The following FBN3 variants were observed in gnomAD, a reference collection of about 807,000 sequenced individuals.
The protein encoded by FBN3 is fibrillin-3.
In FBN3, 234 loss-of-function variants were observed where a neutral mutation model predicts 330.1. That is an observed-to-expected ratio of 0.71 (90% CI 0.64 to 0.79). FBN3 has a LOEUF of 0.79. FBN3 is among the 30% of genes least tolerant of loss of function. The pLI is 0.00. For missense variants in FBN3, 3,606 were observed against 3,886.9 expected, an observed-to-expected ratio of 0.93 and a Z score of 1.92; for synonymous variants, 1,458 against 1,517.3, an observed-to-expected ratio of 0.96 and a Z score of 0.91.
At chr19:8,078,581 C>CTT (rs34666054) in intron 59 of FBN3, among the ~76,000 whole-genome samples, 127 of 145,732 alleles carry the variant, frequency 8.7e-4, no homozygotes, top group East Asian at 4.6e-3. Flanking sequence ...GAAAACCTTA[C>CTT]TTTTTTTTTT....
In FBN3 at chr19:8,129,214, A is replaced by C. The variant is rs370638898; in HGVS notation, c.2170+26T>G. The C allele has an allele frequency of 8.1e-6, 13 of 1,612,908 alleles. No individual in the cohort carries two copies. Among genetic ancestry groups the C allele is most frequent in the Non-Finnish European group, 1.1e-5 (13 of 1,179,516 alleles). ...CTGCAGTGGGAGAGGCTGCCCACAC[A>C]TCCGCCCGCCAGGTGGCATGCTCAC... On this transcript the variant is annotated intron_variant, in intron 17 of 63. Coordinates refer to ENST00000600128, the MANE Select transcript of FBN3 (RefSeq NM_032447.5). This position sits in a 1 kb window ranked among gnomAD's most constrained non-coding sequence, Gnocchi z 4.5.
intron 6 of FBN3, among the ~76,000 whole-genome samples, chr19:8,143,995 G>C (rs560977396): frequency 3.3e-5 from 5 of 149,480 alleles, no homozygotes; most frequent in African/African-American, 7.6e-5. Flanking sequence ...TTTTAGAGAG[G>C]GGGGGTGTCT....
intron 36 of FBN3, among the ~76,000 whole-genome samples, chr19:8,108,887 G>A (rs1436534658): frequency 2.0e-5 from 3 of 152,128 alleles, no homozygotes; most frequent in Admixed American, 1.3e-4. Flanking sequence ...TTGATTTAAG[G>A]GTGAGGGAGA....
chr19:8,147,105 T>TA lies in FBN3; in HGVS notation c.248dup (p.Pro84ThrfsTer4). 6.4e-7 allele frequency: 1 copy of TA among 1,558,576 alleles called. No homozygotes were observed. Among genetic ancestry groups the TA allele is most frequent in the Non-Finnish European group, 8.7e-7 (1 of 1,154,280 alleles). On this transcript the variant is annotated frameshift_variant and splice_region_variant, in exon 3 of 64. Transcript: ENST00000600128. LOFTEE classifies it high-confidence loss of function. Reference sequence around the variant, plus strand: ...CCTCCAGACGGCGGTAGCACTCACGTACGACACACTGGCTCCTGCCAGGGA... The same window carrying TA: ...CCTCCAGACGGCGGTAGCACTCACGTAACGACACACTGGCTCCTGCCAGGGA...
Position 8,096,424 on chromosome 19 carries a change from G to A in FBN3, c.5539+20C>T, listed in dbSNP as rs1222100816. On this transcript the variant is annotated intron_variant, in intron 44 of 63. Coordinates refer to ENST00000600128, the MANE Select transcript of FBN3 (RefSeq NM_032447.5). The surrounding 1 kb of genome is among the most constrained non-coding windows in gnomAD (Gnocchi z 4.6). ...CCAGGCAGCCTGGCTTGAAAAGGAG[G>A]GGGAAGATAAGGGTCTCACCCATGC... The A allele has an allele frequency of 1.2e-6, 2 of 1,606,954 alleles. No homozygotes were observed. Among genetic ancestry groups the A allele is most frequent in the Non-Finnish European group, 1.7e-6 (2 of 1,175,834 alleles).
intron 55 of FBN3, 75 bp downstream of exon 55, chr19:8,086,125 G>T: frequency 9.1e-7 from 1 of 1,102,196 alleles, no homozygotes; most frequent in Non-Finnish European, 1.2e-6. Flanking sequence ...GGGGGAACAG[G>T]CAGTGGGGGG....
intron 10 of FBN3, 100 bp downstream of exon 10, chr19:8,138,041 T>A (rs1371432767): frequency 1.5e-6 from 2 of 1,350,494 alleles, no homozygotes; most frequent in African/African-American, 3.0e-5. Flanking sequence ...CCTAACCCTC[T>A]CTCTGAGGCC....
rs540022951 is a variant in FBN3 at position 8,087,894 on chromosome 19, T to C, written c.6550A>G (p.Thr2184Ala). The C allele has an allele frequency of 1.9e-5, 31 of 1,614,004 alleles. No homozygotes were observed. In the East Asian group the frequency reaches 6.7e-4, roughly 35 times the overall value. ...CAGGTGCACAGGTAGGAGCCCTCGG[T>C]ATTGTGGCAGCGGAAGGCACAGAGC... is the stretch of plus-strand genomic sequence containing the variant. ...PLLCAFRCHN[T>A]EGSYLCTCPA... The change falls in exon 53 of 64, where the codon ACC becomes GCC. Residue 2184 changes from threonine (T) to alanine (A), a missense_variant. Thr to Ala is a moderately conservative substitution (Grantham distance 58). Coordinates refer to ENST00000600128, the MANE Select transcript of FBN3 (RefSeq NM_032447.5).
At chr19:8,086,888 C>T (rs543573255) in intron 54 of FBN3, among the ~76,000 whole-genome samples, 189 bp downstream of exon 54, 2 of 151,816 alleles carry the variant, frequency 1.3e-5, no homozygotes, top group South Asian at 2.1e-4. Flanking sequence ...ACTGCCTGTC[C>T]CCCCCCACTG....
chr19:8,120,259 T>A (rs1410786702), intron 25 of FBN3, among the ~76,000 whole-genome samples: 1 of 145,994 alleles, frequency 6.8e-6, no homozygotes, highest in East Asian at 2.2e-4. Context: ...AACCTCCACC[T>A]CCTGGGTTCA....
chr19:8,127,303 C>T (rs1387046772), intron 18 of FBN3, among the ~76,000 whole-genome samples: 1 of 152,028 alleles, frequency 6.6e-6, no homozygotes, highest in Non-Finnish European at 1.5e-5. Flanking sequence ...TCAGGTGGTC[C>T]GCCCGCCTCA....
intron 5 of FBN3, among the ~76,000 whole-genome samples, 157 bp downstream of exon 5, chr19:8,145,680 CAAAAAA>C (rs56250248): frequency 9.2e-6 from 1 of 108,740 alleles, no homozygotes; most frequent in Non-Finnish European, 1.8e-5. Flanking sequence ...GACTCTGTCT[CAAAAAA>C]AAAAAAAAAA....
At chr19:8,120,255 C>T (rs1399161767) in intron 25 of FBN3, among the ~76,000 whole-genome samples, 1 of 148,568 alleles carries the variant, frequency 6.7e-6, no homozygotes, top group African/African-American at 2.5e-5. Flanking sequence ...CTGCAACCTC[C>T]ACCTCCTGGG....
chr19:8,126,332 C>T lies in FBN3; in HGVS notation c.2570G>A (p.Arg857Gln), dbSNP rs778154322. 3.1e-6 allele frequency: 5 copies of T among 1,590,296 alleles called. No homozygotes were observed. The highest frequency in any genetic ancestry group is 1.7e-4 in the Middle Eastern group (1 of 6,026). The change falls in exon 21 of 64, where the codon CGG becomes CAG. Residue 857 changes from arginine to glutamine, a missense_variant. Physicochemically the swap from Arg to Gln is conservative, Grantham distance 43 (BLOSUM62 1). Transcript: ENST00000600128. ...ERCEIDPACA[R>Q]GFARMTGVTC... ...GACACCCGTCATCCGGGCAAAGCCC[C>T]GGGCACAGGCAGGGTCTGCAACTGG...
rs145735422 is a variant in FBN3 at position 8,090,171 on chromosome 19, G to A, written c.6112C>T (p.Arg2038Cys). The part of the protein sequence containing the change: ...VPKAFNTTKT[R>C]CCCSKRPGEG... ...CCAGGCCTCTTACTGCAGCAGCAGC[G>A]GGTCTTGGTGGTGTTGAAAGCTTTG... is the stretch of plus-strand genomic sequence containing the variant. Residue 2038 changes from arginine (R) to cysteine (C), a missense_variant, in exon 49 of 64, where the codon CGC becomes TGC. Arg to Cys is a radical substitution (Grantham distance 180). Coordinates refer to ENST00000600128, the MANE Select transcript of FBN3 (RefSeq NM_032447.5). The A allele has an allele frequency of 3.6e-5, 58 of 1,613,998 alleles. No homozygotes were observed. Among genetic ancestry groups the A allele is most frequent in the African/African-American group, 6.7e-5 (5 of 74,898 alleles).
intron 42 of FBN3, 42 bp from the exon 43 acceptor site, chr19:8,097,048 C>A (rs773354013): frequency 4.4e-6 from 7 of 1,598,510 alleles, no homozygotes; most frequent in Non-Finnish European, 6.0e-6. Flanking sequence ...ACAGAGAAGC[C>A]CATCCTGACA....
At chr19:8,075,511 G>C in intron 59 of FBN3, 100 bp from the exon 60 acceptor site, 1 of 1,257,962 alleles carries the variant, frequency 7.9e-7, no homozygotes, top group Non-Finnish European at 1.1e-6. Context: ...CAGGCAAGTT[G>C]CTCACCCTCT....
chr19:8,088,025 C>A, intron 52 of FBN3, 35 bp downstream of exon 52: 1 of 1,614,136 alleles, frequency 6.2e-7, no homozygotes, highest in Non-Finnish European at 8.5e-7. Flanking sequence ...GCATCTCCGT[C>A]ACACGGCCCA....
At chr19:8,119,164 G>A (rs1417259573) in intron 25 of FBN3, 142 bp from the exon 26 acceptor site, 1 of 991,190 alleles carries the variant, frequency 1.0e-6, no homozygotes, top group Non-Finnish European at 1.4e-6. Flanking sequence ...GAGGCTCCGG[G>A]TTGGGATGAC....
Sources: gnomAD v4.1 joint callset for allele counts (sites outside exome capture counted in the v4.1 genomes callset) on GRCh38, gnomAD v4.1.1 for gene constraint, Gnocchi (gnomAD v3.1) non-coding constraint, MANE v1.5 for transcripts, NCBI Gene and HGNC (gene_info 2026-07-23, HGNC 2026-07-21) for gene names.